Variants in WWOX observed in about 807,000 individuals in gnomAD.
WWOX encodes WW domain containing oxidoreductase.
WWOX carries 69 observed loss-of-function variants against 46.2 expected under a neutral mutation model. The observed-to-expected ratio is 1.49, with a 90% CI of 1.23 to 1.82. The LOEUF is 1.82. WWOX is among the 40% of genes most tolerant of loss of function. WWOX has a pLI of 0.00. For synonymous variants in WWOX, 359 were observed against 202.6 expected, an observed-to-expected ratio of 1.77 and a Z score of -6.56; for missense variants, 919 against 542.6, an observed-to-expected ratio of 1.69 and a Z score of -6.89.
At chr16:78,696,194 T>G (rs1250684821) in intron 8 of WWOX, among the ~76,000 whole-genome samples, 1 of 152,140 alleles carries the variant, frequency 6.6e-6, no homozygotes, top group East Asian at 1.9e-4. Context: ...GGCAAGTCTT[T>G]TTAACTCTCT....
chr16:78,519,928 A>G (rs2043313339), intron 8 of WWOX, among the ~76,000 whole-genome samples: 3 of 152,134 alleles, frequency 2.0e-5, no homozygotes, highest in Admixed American at 2.0e-4. Context: ...GGTTTTTGAG[A>G]TTCTTTTTTC....
chr16:78,556,178 T>C (rs950674637), intron 8 of WWOX, among the ~76,000 whole-genome samples: 1 of 151,908 alleles, frequency 6.6e-6, no homozygotes, highest in Non-Finnish European at 1.5e-5. Flanking sequence ...CTTATAATTT[T>C]CTGCTTTAAC....
chr16:79,138,228 T>A (rs1360949814), intron 8 of WWOX, among the ~76,000 whole-genome samples: 8 of 152,164 alleles, frequency 5.3e-5, no homozygotes, highest in African/African-American at 1.7e-4. Flanking sequence ...TCATTCCAGT[T>A]GGGGAAGGTT....
At chr16:79,012,825 C>G (rs1263789965) in intron 8 of WWOX, among the ~76,000 whole-genome samples, 3 of 152,194 alleles carry the variant, frequency 2.0e-5, no homozygotes, top group Non-Finnish European at 4.4e-5. Flanking sequence ...TTGACTCCTG[C>G]CCCACCAACA....
At chr16:78,756,776 C>A (rs1467985112) in intron 8 of WWOX, among the ~76,000 whole-genome samples, 1 of 152,140 alleles carries the variant, frequency 6.6e-6, no homozygotes, top group East Asian at 1.9e-4. Context: ...TCTGGTGATT[C>A]TCAGTTCTTG....
intron 5 of WWOX, among the ~76,000 whole-genome samples, chr16:78,247,932 A>G (rs2037862938): frequency 6.6e-6 from 1 of 152,204 alleles, no homozygotes; most frequent in Non-Finnish European, 1.5e-5. Context: ...ATTGAAGCAC[A>G]TATCTTGCAA....
chr16:78,309,667 G>A (rs1486394338), intron 5 of WWOX, among the ~76,000 whole-genome samples: 7 of 152,136 alleles, frequency 4.6e-5, no homozygotes, highest in Non-Finnish European at 1.0e-4. Context: ...TGTTTGGGTC[G>A]GGAATAAACT....
At chr16:79,122,273 A>T (rs2049651140) in intron 8 of WWOX, among the ~76,000 whole-genome samples, 1 of 152,174 alleles carries the variant, frequency 6.6e-6, no homozygotes, top group African/African-American at 2.4e-5. Flanking sequence ...GAGCCAAAAA[A>T]GAAAAGGGAG....
rs567649806 is a variant in WWOX at position 78,656,781 on chromosome 16, A to G, written c.1056+224029A>G. Among the ~76,000 whole-genome samples the G allele has an allele frequency of 4.6e-5, 7 of 152,308 alleles. No homozygotes were observed. In the South Asian group the frequency reaches 1.2e-3, roughly 27 times the overall value. On this transcript the variant is annotated intron_variant, in intron 8 of 8. Coordinates refer to ENST00000566780, the MANE Select transcript of WWOX (RefSeq NM_016373.4). ...TTACAAGGGGTTCCTTCCAAACCCA[A>G]GCGCCACAATCCTTAGGCAGATTGC...
At chr16:78,436,578 A>G (rs1417514349) in intron 8 of WWOX, among the ~76,000 whole-genome samples, 1 of 152,162 alleles carries the variant, frequency 6.6e-6, no homozygotes, top group Non-Finnish European at 1.5e-5. Context: ...CGTTCTCTAT[A>G]TTAGGTTGAT....
rs557554257 is a variant in WWOX, at chr16:78,937,076, A to T, written c.1057-274532A>T. The stretch of plus-strand genomic sequence containing the variant: ...TGGAAATATAGGTTTAAACTACTGG[A>T]ACTTCAAAATAGCTTCTCAGTAATT... On this transcript the variant is annotated intron_variant, in intron 8 of 8. Coordinates refer to ENST00000566780, the MANE Select transcript of WWOX (RefSeq NM_016373.4). Among the ~76,000 whole-genome samples, 10 of 152,320 alleles carry T rather than the reference A, an allele frequency of 6.6e-5. No homozygotes were observed. In the South Asian group the frequency reaches 2.1e-3, roughly 32 times the overall value.
chr16:78,607,500 G>C (rs958828517), intron 8 of WWOX, among the ~76,000 whole-genome samples: 1 of 152,162 alleles, frequency 6.6e-6, no homozygotes, highest in Admixed American at 6.5e-5. Flanking sequence ...TTGGTGCTAA[G>C]GGCTGTAATT....
At chr16:78,867,477 A>G (rs911290459) in intron 8 of WWOX, among the ~76,000 whole-genome samples, 10 of 142,844 alleles carry the variant, frequency 7.0e-5, no homozygotes, top group African/African-American at 1.1e-4. Context: ...AGAGAAGTTA[A>G]ATGATTTTGT....
At position 78,526,858 on chromosome 16, in the gene WWOX, C is replaced by G. The variant is rs1183823939; in HGVS notation, c.1056+94106C>G. On this transcript the variant is annotated intron_variant, in intron 8 of 8. Transcript: ENST00000566780. The stretch of plus-strand genomic sequence containing the variant: ...GAGGGAGGAGCCAGCCTGGCCTGGT[C>G]TGGCCTGGCCCAGTGTGCCAGCGAG... 2.0e-5 allele frequency among the ~76,000 whole-genome samples: 3 copies of G among 152,166 alleles called. No homozygotes were observed. In the East Asian group the frequency reaches 5.8e-4, roughly 29 times the overall value.
intron 8 of WWOX, among the ~76,000 whole-genome samples, chr16:78,446,879 A>G (rs533918850): frequency 7.9e-5 from 12 of 152,016 alleles, no homozygotes; most frequent in East Asian, 3.9e-4. Flanking sequence ...CAGGCTGGAC[A>G]TGAACTTCTG....
At chr16:78,142,538 G>A (rs554746560) in intron 4 of WWOX, among the ~76,000 whole-genome samples, 5 of 152,336 alleles carry the variant, frequency 3.3e-5, no homozygotes, top group Non-Finnish European at 7.3e-5. Flanking sequence ...CCTTGGATGT[G>A]ATTCCTCAAG....
At chr16:78,321,798 G>C (rs1047834864) in intron 5 of WWOX, among the ~76,000 whole-genome samples, 2 of 152,166 alleles carry the variant, frequency 1.3e-5, no homozygotes, top group Non-Finnish European at 1.5e-5. Flanking sequence ...TCGTCTGTTA[G>C]TGTTTCCAGC....
At chr16:78,825,901 C>T in intron 8 of WWOX, 2 of 700,076 alleles carry the variant, frequency 2.9e-6, no homozygotes, top group Non-Finnish European at 5.1e-6. Flanking sequence ...ACCACGTGAG[C>T]ATCATGGAAC....
intron 5 of WWOX, among the ~76,000 whole-genome samples, chr16:78,351,566 C>G (rs535524284): frequency 2.0e-5 from 3 of 152,304 alleles, no homozygotes; most frequent in African/African-American, 7.2e-5. Context: ...ATTTAACATT[C>G]ACGGATGGCA....
Sources: gnomAD v4.1 joint callset for allele counts (sites outside exome capture counted in the v4.1 genomes callset) on GRCh38, gnomAD v4.1.1 for gene constraint, MANE v1.5 for transcripts, NCBI Gene and HGNC (gene_info 2026-07-23, HGNC 2026-07-21) for gene names.